The following HYCC1 variants were observed in gnomAD, a reference collection of about 807,000 sequenced individuals.
HYCC1 encodes the protein hyccin PI4KA lipid kinase complex subunit 1.
the HYCC1 span, among the ~76,000 whole-genome samples, chr7:22,915,692 C>T: frequency 6.6e-6 from 1 of 152,160 alleles, no homozygotes; most frequent in African/African-American, 2.4e-5. Flanking sequence ...ACGGAGGCTA[C>T]CTACTCTGCA....
chr7:22,955,878 T>C, the HYCC1 span, among the ~76,000 whole-genome samples: 1 of 151,730 alleles, frequency 6.6e-6, no homozygotes, highest in South Asian at 2.1e-4. Context: ...AGAATGACTA[T>C]AGAATTAAAG....
At chr7:22,994,118 C>T in the HYCC1 span, among the ~76,000 whole-genome samples, 12 of 152,142 alleles carry the variant, frequency 7.9e-5, no homozygotes, top group Non-Finnish European at 1.6e-4. Context: ...GTAGCTGAGA[C>T]TACAGGAGTG....
the HYCC1 span, among the ~76,000 whole-genome samples, chr7:23,011,693 T>C: frequency 1.3e-5 from 2 of 152,242 alleles, no homozygotes; most frequent in Non-Finnish European, 2.9e-5. Flanking sequence ...GCCATATCAA[T>C]GTCAATGTTA....
At chr7:22,947,178 T>C in the HYCC1 span, 1 of 1,550,198 alleles carries the variant, frequency 6.5e-7, no homozygotes, top group Non-Finnish European at 8.7e-7. Context: ...TCCGGCCACA[T>C]TTGTGACACT....
At chr7:22,997,877 T>A in the HYCC1 span, among the ~76,000 whole-genome samples, 60 of 152,246 alleles carry the variant, frequency 3.9e-4, no homozygotes, top group Non-Finnish European at 6.9e-4. Flanking sequence ...TATAAAATGG[T>A]TTTTGGCTAA....
At chr7:22,932,774 C>T in the HYCC1 span, among the ~76,000 whole-genome samples, 236 of 152,120 alleles carry the variant, frequency 1.6e-3, no homozygotes, top group African/African-American at 5.3e-3. Context: ...GTCACAGGGA[C>T]GACTGTATGG....
chr7:22,906,693 C>T, the HYCC1 span, among the ~76,000 whole-genome samples: 10 of 151,562 alleles, frequency 6.6e-5, no homozygotes, highest in African/African-American at 2.4e-4. Flanking sequence ...TAATATAGTA[C>T]TAATAAAAGA....
chr7:22,957,991 A>G, the HYCC1 span, among the ~76,000 whole-genome samples: 1 of 151,538 alleles, frequency 6.6e-6, no homozygotes, highest in Non-Finnish European at 1.5e-5. Context: ...TAAAAAATCT[A>G]TAATTTGAGA....
At chr7:22,951,983 C>T in the HYCC1 span, among the ~76,000 whole-genome samples, 1 of 151,864 alleles carries the variant, frequency 6.6e-6, no homozygotes, top group Non-Finnish European at 1.5e-5. Flanking sequence ...TGTTCTTCAA[C>T]AAAACAAGAA....
chr7:22,899,878 T>C, the HYCC1 span, among the ~76,000 whole-genome samples: 1 of 152,184 alleles, frequency 6.6e-6, no homozygotes, highest in Admixed American at 6.5e-5. Context: ...AGAAAAGTTA[T>C]GGTTGTCTCC....
At chr7:22,990,940 A>G in the HYCC1 span, 2 of 694,360 alleles carry the variant, frequency 2.9e-6, no homozygotes, top group Non-Finnish European at 2.6e-6. Context: ...GAGATTTGAT[A>G]GAAAATACTT....
the HYCC1 span, among the ~76,000 whole-genome samples, chr7:22,907,203 G>T: frequency 1.3e-4 from 20 of 150,834 alleles, no homozygotes; most frequent in Admixed American, 1.3e-4. Context: ...AAGAATAACG[G>T]TATCTAGGAG....
At chr7:22,966,521 TAAAC>T in the HYCC1 span, among the ~76,000 whole-genome samples, 1 of 152,184 alleles carries the variant, frequency 6.6e-6, no homozygotes, top group Non-Finnish European at 1.5e-5. Flanking sequence ...GTTTTTAAAA[TAAAC>T]AGTAAGTTTT....
chr7:22,899,070 G>A, the HYCC1 span, among the ~76,000 whole-genome samples: 1 of 152,224 alleles, frequency 6.6e-6, no homozygotes, highest in Non-Finnish European at 1.5e-5. Context: ...GAGGCAGCGT[G>A]GTAGCAAGTC....
the HYCC1 span, among the ~76,000 whole-genome samples, chr7:22,923,184 T>C: frequency 6.6e-6 from 1 of 152,110 alleles, no homozygotes; most frequent in Non-Finnish European, 1.5e-5. Context: ...TCAATAAACT[T>C]AAAAGGACAT....
At chr7:22,981,430 C>T in the HYCC1 span, among the ~76,000 whole-genome samples, 1 of 152,100 alleles carries the variant, frequency 6.6e-6, no homozygotes, top group Non-Finnish European at 1.5e-5. Flanking sequence ...CAAATTTAGA[C>T]ACAAAATATT....
At chr7:22,953,269 C>T in the HYCC1 span, among the ~76,000 whole-genome samples, 2 of 151,864 alleles carry the variant, frequency 1.3e-5, no homozygotes, top group African/African-American at 2.4e-5. Flanking sequence ...TACAAAACTA[C>T]CTGTAAAAGC....
chr7:22,977,461 C>G, the HYCC1 span: 29 of 1,154,958 alleles, frequency 2.5e-5, no homozygotes, highest in Non-Finnish European at 3.6e-5. Flanking sequence ...TACATACTTT[C>G]TTACACACAA....
the HYCC1 span, chr7:22,976,197 A>C: frequency 6.6e-7 from 1 of 1,524,630 alleles, no homozygotes. Context: ...GAAGCACTTG[A>C]ATTTTACTTT....
Sources: allele counts gnomAD v4.1 joint callset (sites outside exome capture counted in the v4.1 genomes callset), GRCh38; gene constraint gnomAD v4.1.1; transcripts MANE v1.5; gene names NCBI Gene and HGNC (gene_info 2026-07-23, HGNC 2026-07-21).